The following TBCD variants were observed in gnomAD, a reference collection of about 807,000 sequenced individuals.
TBCD encodes the protein tubulin-specific chaperone D.
A neutral mutation model predicts 169.3 loss-of-function variants in TBCD; 105 were observed. That is an observed-to-expected ratio of 0.62 (90% CI 0.53 to 0.73). The LOEUF (loss-of-function observed/expected upper bound fraction) is 0.73. TBCD is among the 30% of genes least tolerant of loss of function. The pLI, the probability that TBCD is intolerant of heterozygous loss-of-function variation, is 0.00. For synonymous variants in TBCD, 700 were observed against 643.9 expected (o/e 1.09, Z -1.32); for missense variants, 1,444 against 1,600.1 (o/e 0.90, Z 1.66).
chr17:82,920,440 C>A lies in TBCD; in HGVS notation c.2039-116C>A. 1.2e-6 allele frequency: 1 copy of A among 841,822 alleles called. No individual in the cohort carries two copies. The highest frequency in any genetic ancestry group is 1.9e-6 in the Non-Finnish European group (1 of 534,464). The allele number at this position is 841,822 out of a possible 1,614,324, so 52.1% of individuals were successfully genotyped here. On this transcript the variant is annotated intron_variant, in intron 23 of 38. Coordinates refer to ENST00000355528, the MANE Select transcript of TBCD (RefSeq NM_005993.5). The surrounding 1 kb of genome is among the most constrained non-coding windows in gnomAD (Gnocchi z 4.1). ...AGCCCTGGCAGCAGGGTAGGTTGGG[C>A]GGGTGAGGGGCAGGAGCTGGCCGCA... is the stretch of plus-strand genomic sequence containing the variant.
At position 82,870,284 on chromosome 17, in the gene TBCD, GCACCAACGTCAGGGACGCCGC is replaced by G; in HGVS notation, c.1381_1401del (p.Thr461_Ala467del). 6.2e-7 allele frequency: 1 copy of G among 1,613,572 alleles called. No homozygotes were observed. The highest frequency in any genetic ancestry group is 8.5e-7 in the Non-Finnish European group (1 of 1,179,886). On this transcript the variant is annotated inframe_deletion, in exon 14 of 39. Coordinates refer to ENST00000355528, the MANE Select transcript of TBCD (RefSeq NM_005993.5). ...GAGAAGCGGGGTGCCTGCAGCGTGG[GCACCAACGTCAGGGACGCCGC>G]CTGCTACGTGTGCTGGGCCTTCGCG...
rs377731369 is a variant in TBCD, at chr17:82,929,193, T to C, written c.2774T>C (p.Phe925Ser). 1 of 1,613,788 alleles carries C rather than the reference T, an allele frequency of 6.2e-7. No individual in the cohort carries two copies. Among genetic ancestry groups the C allele is most frequent in the African/African-American group, 1.3e-5 (1 of 74,920 alleles). The change falls in exon 31 of 39, where the codon TTC becomes TCC. Residue 925 changes from phenylalanine to serine, a missense_variant. Transcript: ENST00000355528. ...DRFRAHAASVFLTLLHFDSPP... is the reference protein window; with the variant it reads ...DRFRAHAASVSLTLLHFDSPP... ...TTCCGTGCTCACGCCGCCAGCGTGT[T>C]CCTGACGCTCCTGCACTTTGACAGC... is the stretch of plus-strand genomic sequence containing the variant.
chr17:82,777,332 C>CTG (rs922398980), intron 6 of TBCD, among the ~76,000 whole-genome samples: 2 of 152,138 alleles, frequency 1.3e-5, no homozygotes, highest in Non-Finnish European at 2.9e-5. Context: ...GGGTTTCTCC[C>CTG]TGTGTGTGGA....
At position 82,789,629 on chromosome 17, in the gene TBCD, C is replaced by T. The variant is rs946905579; in HGVS notation, c.771+7908C>T. ...CCCGCCCTCACCTGGCTCACAGACC[C>T]GTGATGCCTCACTGCCCACGCAGTC... On this transcript the variant is annotated intron_variant, in intron 7 of 38. Transcript: ENST00000355528. This position sits in a 1 kb window ranked among gnomAD's most constrained non-coding sequence, Gnocchi z 4.8. Among the ~76,000 whole-genome samples the T allele has an allele frequency of 1.3e-5, 2 of 152,224 alleles. No homozygotes were observed. Among genetic ancestry groups the T allele is most frequent in the African/African-American group, 4.8e-5 (2 of 41,462 alleles).
chr17:82,763,609 C>T (rs1358876438), intron 2 of TBCD, among the ~76,000 whole-genome samples: 2 of 152,012 alleles, frequency 1.3e-5, no homozygotes, highest in Non-Finnish European at 2.9e-5. Context: ...GGCGTGGTGA[C>T]GCGTGCCTGT....
intron 13 of TBCD, among the ~76,000 whole-genome samples, chr17:82,853,771 T>G (rs998915039): frequency 6.6e-6 from 1 of 152,196 alleles, no homozygotes; most frequent in African/African-American, 2.4e-5. Context: ...TTTATATTCT[T>G]GCATTTTAGA....
intron 13 of TBCD, chr17:82,865,582 C>T (rs930857474): frequency 2.2e-5 from 22 of 980,710 alleles, no homozygotes; most frequent in South Asian, 9.4e-5. Context: ...CGCCCAGTGC[C>T]GAAATGGGAA....
At chr17:82,804,907 A>T (rs2050840930) in intron 9 of TBCD, among the ~76,000 whole-genome samples, 1 of 152,176 alleles carries the variant, frequency 6.6e-6, no homozygotes, top group East Asian at 1.9e-4. Context: ...GAGTCATTCG[A>T]AGCAGGTTGA....
chr17:82,868,251 G>T (rs1188726650), intron 13 of TBCD, among the ~76,000 whole-genome samples: 2 of 152,222 alleles, frequency 1.3e-5, no homozygotes, highest in East Asian at 3.9e-4. Context: ...TCTTCTGTGG[G>T]CACTGGGCTT....
At chr17:82,906,088 C>G in intron 20 of TBCD, 35 bp downstream of exon 20, 1 of 1,491,094 alleles carries the variant, frequency 6.7e-7, no homozygotes, top group South Asian at 1.2e-5. Flanking sequence ...ACACAGGGCT[C>G]TGTCCCTGAT....
chr17:82,859,822 A>G (rs2056612408), intron 13 of TBCD: 1 of 985,434 alleles, frequency 1.0e-6, no homozygotes, highest in Non-Finnish European at 1.2e-6. Flanking sequence ...ACCCAGAAAG[A>G]TTCATCAGTG....
rs749366340 is a variant in TBCD, at chr17:82,800,860, G to A, written c.818-4G>A. ...CCTGCGCTGAGTCCAGTTCTTGTTT[G>A]CAGCTGCCACTGTCCTCAGGTGCCT... is the stretch of plus-strand genomic sequence containing the variant. On this transcript the variant is annotated splice_region_variant and splice_polypyrimidine_tract_variant and intron_variant, in intron 8 of 38. Transcript: ENST00000355528. 1 of 1,611,760 alleles carries A rather than the reference G, an allele frequency of 6.2e-7. No homozygotes were observed. Among genetic ancestry groups the A allele is most frequent in the Non-Finnish European group, 8.5e-7 (1 of 1,179,260 alleles).
chr17:82,887,453 AC>A (rs2058835238), intron 15 of TBCD, among the ~76,000 whole-genome samples: 1 of 151,680 alleles, frequency 6.6e-6, no homozygotes, highest in Non-Finnish European at 1.5e-5. Context: ...CTCTCTGGAG[AC>A]CCACCCCGAG....
chr17:82,922,177 A>G lies in TBCD; in HGVS notation c.2178+600A>G, dbSNP rs1287393797. On this transcript the variant is annotated intron_variant, in intron 25 of 38. Transcript: ENST00000355528. The surrounding 1 kb of genome is among the most constrained non-coding windows in gnomAD (Gnocchi z 4.1). ...GGAGTTCGAGGCCAGCCTGGCCAACATGGTGAAACCCCATCTCTACTAAAA... is the reference window on the plus strand; with the variant it reads ...GGAGTTCGAGGCCAGCCTGGCCAACGTGGTGAAACCCCATCTCTACTAAAA... 6.6e-6 allele frequency among the ~76,000 whole-genome samples: 1 copy of G among 152,208 alleles called. No individual in the cohort carries two copies. Among genetic ancestry groups the G allele is most frequent in the African/African-American group, 2.4e-5 (1 of 41,446 alleles).
In TBCD at chr17:82,780,295, C is replaced by T. The variant is rs112363501; in HGVS notation, c.639-1294C>T. On this transcript the variant is annotated intron_variant, in intron 6 of 38. Transcript: ENST00000355528. ...CGAGGCCATGCCCTCCCGTTTCCTTCGTAACTTTTCTTTGCACTGTGGAAG... is the reference window on the plus strand; with the variant it reads ...CGAGGCCATGCCCTCCCGTTTCCTTTGTAACTTTTCTTTGCACTGTGGAAG... Among the ~76,000 whole-genome samples the T allele has an allele frequency of 9.3e-4, 141 of 151,596 alleles. 2 individuals carry two copies. In the Middle Eastern group the frequency reaches 0.01, roughly 11 times the overall value.
At chr17:82,826,046 C>T (rs2052814995) in intron 13 of TBCD, among the ~76,000 whole-genome samples, 2 of 152,226 alleles carry the variant, frequency 1.3e-5, no homozygotes, top group African/African-American at 2.4e-5. Context: ...TTTCCATTTA[C>T]TTTTTTCCCA....
intron 13 of TBCD, among the ~76,000 whole-genome samples, chr17:82,837,231 T>C (rs2054064634): frequency 6.6e-6 from 1 of 152,172 alleles, no homozygotes; most frequent in Admixed American, 6.5e-5. Flanking sequence ...TTTATAAGGA[T>C]GAAGAAACCA....
chr17:82,807,685 G>T lies in TBCD; in HGVS notation c.1148+17G>T. 1 of 1,459,664 alleles carries T rather than the reference G, an allele frequency of 6.9e-7. No individual in the cohort carries two copies. 90.4% of individuals were successfully genotyped at this position (1,459,664 alleles called of 1,614,324 possible). A position where few individuals can be genotyped will look rare whatever the true frequency, so the allele number is the denominator to read the frequency against. On this transcript the variant is annotated intron_variant, in intron 11 of 38. Transcript: ENST00000355528. ...AGCCAAGGGGTAGGTGTCTGTGGCCGCAGAAGCACCCCGGGGGGTGGGCCG... is the reference window on the plus strand; with the variant it reads ...AGCCAAGGGGTAGGTGTCTGTGGCCTCAGAAGCACCCCGGGGGGTGGGCCG...
chr17:82,756,490 C>CT (rs1029798676), intron 2 of TBCD, among the ~76,000 whole-genome samples: 83 of 149,422 alleles, frequency 5.6e-4, no homozygotes, highest in Non-Finnish European at 1.1e-3. Context: ...GTTTTTTTTT[C>CT]TTTTTTTTGA....
Sources: gnomAD v4.1 joint callset for allele counts (sites outside exome capture counted in the v4.1 genomes callset) on GRCh38, gnomAD v4.1.1 for gene constraint, Gnocchi (gnomAD v3.1) non-coding constraint, MANE v1.5 for transcripts, NCBI Gene and HGNC (gene_info 2026-07-23, HGNC 2026-07-21) for gene names.